UNC5D: variants seen among roughly 807,000 people sequenced by gnomAD.
UNC5D encodes unc-5 netrin receptor D, also known as netrin receptor UNC5D.
UNC5D carries 39 observed loss-of-function variants against 105.4 expected under a neutral mutation model. That is an observed-to-expected ratio of 0.37 (90% CI 0.29 to 0.48). The LOEUF (loss-of-function observed/expected upper bound fraction) is 0.48. Ranked by LOEUF, UNC5D falls within the 20% of genes least tolerant of loss-of-function variation. The probability of loss-of-function intolerance (pLI) is 0.98; values close to 1 mark genes in which losing one functional copy is unlikely to be tolerated. For synonymous variants in UNC5D, 452 were observed against 450.4 expected (o/e 1.00, Z -0.04); for missense variants, 991 against 1,202.4 (o/e 0.82, Z 2.60).
chr8:35,726,220 A>T lies in UNC5D; in HGVS notation c.1372A>T (p.Ile458Phe). The change falls in exon 10 of 17, where the codon ATC (isoleucine) becomes TTC (phenylalanine). Residue 458 changes from isoleucine (I) to phenylalanine (F), a missense_variant. Ile to Phe is a conservative substitution (Grantham distance 21, BLOSUM62 0). Transcript: ENST00000404895. Reference sequence around the variant, plus strand: ...AGTGAGCCGGACATACAGCGGACCCATCTGTCTGCAGGACCCTCTGGACAA... The same window carrying T: ...AGTGAGCCGGACATACAGCGGACCCTTCTGTCTGCAGGACCCTCTGGACAA... ...LTVSRTYSGPICLQDPLDKEL... is the reference protein window; with the variant it reads ...LTVSRTYSGPFCLQDPLDKEL... 6.2e-7 allele frequency: 1 copy of T among 1,614,156 alleles called. No homozygotes were observed. The highest frequency in any genetic ancestry group is 8.5e-7 in the Non-Finnish European group (1 of 1,180,014).
chr8:35,309,364 A>G, intron 1 of UNC5D, among the ~76,000 whole-genome samples: 1 of 152,190 alleles, frequency 6.6e-6, no homozygotes, highest in East Asian at 1.9e-4. Context: ...ATTAGTTGCC[A>G]TAGTCACATC....
chr8:35,619,701 CTGTT>C (rs1821235129), intron 4 of UNC5D, among the ~76,000 whole-genome samples: 1 of 152,286 alleles, frequency 6.6e-6, no homozygotes, highest in South Asian at 2.1e-4. Context: ...TTTTTACAAA[CTGTT>C]TGTAAATGAT....
chr8:35,652,690 C>A (rs1468395285), intron 4 of UNC5D, among the ~76,000 whole-genome samples: 1 of 151,450 alleles, frequency 6.6e-6, no homozygotes, highest in Non-Finnish European at 1.5e-5. Context: ...TGAAAATCTT[C>A]TCTTTATATA....
At chr8:35,722,102 T>C in intron 8 of UNC5D, 108 bp from the exon 9 acceptor site, 1 of 1,247,498 alleles carries the variant, frequency 8.0e-7, no homozygotes, top group Non-Finnish European at 1.1e-6. Flanking sequence ...TGTCATTGTC[T>C]CTGAGCAGTA....
intron 8 of UNC5D, among the ~76,000 whole-genome samples, chr8:35,708,803 A>T (rs779106562): frequency 2.6e-5 from 4 of 152,172 alleles, no homozygotes; most frequent in African/African-American, 9.7e-5. Flanking sequence ...AACTCAGTTA[A>T]TAGTTCTAGA....
intron 2 of UNC5D, among the ~76,000 whole-genome samples, chr8:35,551,842 GAA>G (rs564396216): frequency 2.5e-3 from 376 of 151,776 alleles, no homozygotes; most frequent in Middle Eastern, 0.01. Context: ...AAAGGAAAAG[GAA>G]AAGAAAAAAG....
chr8:35,245,310 C>T (rs568709106), intron 1 of UNC5D, among the ~76,000 whole-genome samples: 1 of 151,892 alleles, frequency 6.6e-6, no homozygotes, highest in Non-Finnish European at 1.5e-5. Flanking sequence ...ATACAGAGCA[C>T]AAAATACAGT....
intron 1 of UNC5D, among the ~76,000 whole-genome samples, chr8:35,521,413 C>A (rs1186772305): frequency 6.6e-6 from 1 of 152,124 alleles, no homozygotes; most frequent in African/African-American, 2.4e-5. Flanking sequence ...ATAAGTAAGT[C>A]AGGACATTTT....
chr8:35,603,915 T>C (rs1820079916), intron 4 of UNC5D, among the ~76,000 whole-genome samples: 1 of 152,154 alleles, frequency 6.6e-6, no homozygotes, highest in South Asian at 2.1e-4. Context: ...CCTCCATCCC[T>C]TTATTTTGAG....
chr8:35,686,028 A>G (rs1456546592), intron 6 of UNC5D, among the ~76,000 whole-genome samples: 1 of 152,222 alleles, frequency 6.6e-6, no homozygotes, highest in Non-Finnish European at 1.5e-5. Context: ...TTCTATTTAT[A>G]TAAGTCCTGG....
chr8:35,340,310 T>C (rs1345183094), intron 1 of UNC5D, among the ~76,000 whole-genome samples: 1 of 152,168 alleles, frequency 6.6e-6, no homozygotes, highest in Admixed American at 6.5e-5. Context: ...GCCTTGATGC[T>C]GGACATCCAG....
intron 4 of UNC5D, among the ~76,000 whole-genome samples, chr8:35,603,877 TTTG>T (rs1036939705): frequency 6.6e-6 from 1 of 152,152 alleles, no homozygotes; most frequent in African/African-American, 2.4e-5. Flanking sequence ...CCTGCCTTTT[TTTG>T]TTTTCCATTT....
intron 5 of UNC5D, 146 bp from the exon 6 acceptor site, chr8:35,684,436 C>T (rs1340200455): frequency 4.6e-6 from 4 of 866,386 alleles, no homozygotes; most frequent in African/African-American, 1.7e-5. Context: ...ACTGTTGTCT[C>T]ATAATGGAGC....
At position 35,759,252 on chromosome 8, in the gene UNC5D, T is replaced by G. The variant is rs190445953; in HGVS notation, c.2164-68T>G. On this transcript the variant is annotated intron_variant, in intron 13 of 16. Transcript: ENST00000404895. ...ACATGGTAGTGAGCATGTGTATCCC[T>G]AGATAGGAAATATGTAAGTAGCAGG... 6.5e-4 allele frequency: 1,022 copies of G among 1,570,276 alleles called. 8 individuals are homozygous for G. In the African/African-American group the frequency reaches 0.013, roughly 20 times the overall value.
chr8:35,768,892 T>C (rs1399770494), intron 15 of UNC5D, among the ~76,000 whole-genome samples: 1 of 152,176 alleles, frequency 6.6e-6, no homozygotes, highest in Non-Finnish European at 1.5e-5. Context: ...GTCATCCAAT[T>C]TGAGGGCTGC....
intron 1 of UNC5D, among the ~76,000 whole-genome samples, chr8:35,365,230 AG>A (rs1468249144): frequency 1.3e-5 from 2 of 152,050 alleles, no homozygotes; most frequent in Admixed American, 6.6e-5. Flanking sequence ...CAATCTCATT[AG>A]TGTCTGGTAT....
chr8:35,756,409 A>C (rs1830520494), intron 13 of UNC5D, among the ~76,000 whole-genome samples: 1 of 152,130 alleles, frequency 6.6e-6, no homozygotes, highest in Non-Finnish European at 1.5e-5. Context: ...ATCCATTCTG[A>C]GTTTCAAGGA....
At chr8:35,511,418 G>A (rs953736139) in intron 1 of UNC5D, among the ~76,000 whole-genome samples, 18 of 147,180 alleles carry the variant, frequency 1.2e-4, no homozygotes, top group African/African-American at 4.3e-4. Context: ...AGGATCTCTT[G>A]AGCCCAGGAA....
intron 11 of UNC5D, among the ~76,000 whole-genome samples, chr8:35,740,847 C>T (rs1391254758): frequency 2.0e-5 from 3 of 152,100 alleles, no homozygotes; most frequent in Admixed American, 2.0e-4. Context: ...AGATGTTGGC[C>T]TCAAAACTCC....
Sources: allele counts gnomAD v4.1 joint callset (sites outside exome capture counted in the v4.1 genomes callset), GRCh38; gene constraint gnomAD v4.1.1; transcripts MANE v1.5; gene names NCBI Gene and HGNC (gene_info 2026-07-23, HGNC 2026-07-21).